Variants in PIK3CA observed in about 807,000 individuals in gnomAD.
PIK3CA encodes the protein phosphatidylinositol 4,5-bisphosphate 3-kinase catalytic subunit alpha isoform.
A neutral mutation model predicts 138.2 loss-of-function variants in PIK3CA; 27 were observed. The observed-to-expected ratio is 0.20, with a 90% CI of 0.14 to 0.27. The LOEUF (loss-of-function observed/expected upper bound fraction) is 0.27, where lower values mean the gene tolerates loss of function less well. Among genes scored for constraint, PIK3CA ranks in the 10% least tolerant of loss-of-function variants. The pLI, the probability that PIK3CA is intolerant of heterozygous loss-of-function variation, is 1.00. For synonymous variants in PIK3CA, 358 were observed against 413.2 expected, an observed-to-expected ratio of 0.87 and a Z score of 1.62; for missense variants, 544 against 1,277.4, an observed-to-expected ratio of 0.43 and a Z score of 8.75.
chr3:179,167,451 CTA>C, intron 1 of PIK3CA, among the ~76,000 whole-genome samples: 1 of 152,176 alleles, frequency 6.6e-6, no homozygotes, highest in Middle Eastern at 3.4e-3. Context: ...TGATTCCTCA[CTA>C]TGTTAGACAG....
intron 1 of PIK3CA, among the ~76,000 whole-genome samples, chr3:179,167,538 A>T (rs1723450391): frequency 6.6e-6 from 1 of 152,138 alleles, no homozygotes; most frequent in Non-Finnish European, 1.5e-5. Context: ...TTACTTTTTA[A>T]ATTGTCAAGT....
At position 179,239,849 on chromosome 3, in the gene PIK3CA, C is replaced by T. The variant is rs1725405113; in HGVS notation, c.*5485C>T. ...ATTAGAAGAAAAACGTTTTTAATGTCCTTTTAATGATGGCCCAGAAAGCAT... is the reference window on the plus strand; with the variant it reads ...ATTAGAAGAAAAACGTTTTTAATGTTCTTTTAATGATGGCCCAGAAAGCAT... On this transcript the variant is annotated 3_prime_UTR_variant, in exon 21 of 21. Coordinates refer to ENST00000263967, the MANE Select transcript of PIK3CA (RefSeq NM_006218.4). 3.9e-6 allele frequency: 2 copies of T among 510,102 alleles called. No homozygotes were observed. Among genetic ancestry groups the T allele is most frequent in the Non-Finnish European group, 7.0e-6 (2 of 285,288 alleles). 31.6% of individuals were successfully genotyped at this position (510,102 alleles called of 1,614,324 possible).
intron 1 of PIK3CA, among the ~76,000 whole-genome samples, chr3:179,178,280 A>C (rs562944876): frequency 6.8e-5 from 10 of 146,962 alleles, no homozygotes; most frequent in Non-Finnish European, 1.0e-4. Context: ...AAAAAAAAAA[A>C]CTCAGAAATT....
intron 9 of PIK3CA, among the ~76,000 whole-genome samples, chr3:179,212,735 C>G (rs376323263): frequency 1.3e-5 from 2 of 152,144 alleles, no homozygotes; most frequent in Admixed American, 1.3e-4. Flanking sequence ...GCCATCATGC[C>G]CGGCCAAAAG....
chr3:179,189,553 A>G (rs982902504), intron 1 of PIK3CA, among the ~76,000 whole-genome samples: 4 of 152,190 alleles, frequency 2.6e-5, no homozygotes, highest in African/African-American at 9.6e-5. Context: ...ACATTGCTAT[A>G]AATACTACTC....
chr3:179,204,455 G>T, intron 5 of PIK3CA, 48 bp from the exon 6 acceptor site: 1 of 849,870 alleles, frequency 1.2e-6, no homozygotes, highest in Middle Eastern at 2.5e-4. Context: ...GTGTGCATAT[G>T]TGTATGTTGA....
chr3:179,238,711 T>C lies in PIK3CA; in HGVS notation c.*4347T>C, dbSNP rs1725380316. ...TCCCGAATTCGGCATTTGAAATTCA[T>C]TTTGTTCTCTCTTCTTCATTATTAG... is the stretch of plus-strand genomic sequence containing the variant. On this transcript the variant is annotated 3_prime_UTR_variant, in exon 21 of 21. Coordinates refer to ENST00000263967, the MANE Select transcript of PIK3CA (RefSeq NM_006218.4). 4.4e-6 allele frequency: 1 copy of C among 227,112 alleles called. No homozygotes were observed. 14.1% of individuals were successfully genotyped at this position (227,112 alleles called of 1,614,324 possible).
At chr3:179,153,251 T>G (rs1723056904) in intron 1 of PIK3CA, among the ~76,000 whole-genome samples, 2 of 152,226 alleles carry the variant, frequency 1.3e-5, no homozygotes, top group Non-Finnish European at 2.9e-5. Flanking sequence ...CTTTCTCTAC[T>G]TGGGAACTGT....
At chr3:179,149,641 T>C (rs996462693) in intron 1 of PIK3CA, 2 of 152,218 alleles carry the variant, frequency 1.3e-5, no homozygotes, top group Non-Finnish European at 2.9e-5. Context: ...TTTGTGCACA[T>C]GCAGGACCTG....
chr3:179,206,188 G>A (rs1048412254), intron 6 of PIK3CA, among the ~76,000 whole-genome samples: 2 of 147,068 alleles, frequency 1.4e-5, no homozygotes, highest in African/African-American at 5.1e-5. Context: ...CTCCCTAGTA[G>A]CTGGGACTAC....
chr3:179,203,161 C>A (rs571567374), intron 4 of PIK3CA, among the ~76,000 whole-genome samples: 1 of 151,784 alleles, frequency 6.6e-6, no homozygotes, highest in Admixed American at 6.6e-5. Context: ...AGGATGGTCT[C>A]GATCTCCTGA....
chr3:179,207,372 TTAGAAG>T (rs1262679699), intron 6 of PIK3CA, among the ~76,000 whole-genome samples: 2 of 152,094 alleles, frequency 1.3e-5, no homozygotes, highest in Admixed American at 1.3e-4. Context: ...TGGATGGACT[TTAGAAG>T]AAAAGAGAAA....
chr3:179,149,641 T>A (rs996462693), intron 1 of PIK3CA: 2 of 152,218 alleles, frequency 1.3e-5, no homozygotes, highest in Admixed American at 6.5e-5. Context: ...TTTGTGCACA[T>A]GCAGGACCTG....
At chr3:179,229,955 C>T (rs1402842323) in intron 18 of PIK3CA, 49 bp from the exon 19 acceptor site, 2 of 1,242,482 alleles carry the variant, frequency 1.6e-6, no homozygotes, top group Non-Finnish European at 2.3e-6. Context: ...TCAAGTTGGC[C>T]TGAATCACTA....
At chr3:179,170,117 G>A (rs899149631) in intron 1 of PIK3CA, among the ~76,000 whole-genome samples, 1 of 151,680 alleles carries the variant, frequency 6.6e-6, no homozygotes, top group African/African-American at 2.4e-5. Flanking sequence ...GTAAAATAGG[G>A]ATAGAAAGCT....
intron 1 of PIK3CA, among the ~76,000 whole-genome samples, chr3:179,162,123 A>G (rs1723299184): frequency 6.6e-6 from 1 of 152,164 alleles, no homozygotes; most frequent in Non-Finnish European, 1.5e-5. Context: ...TCTCTGTATA[A>G]AACATACAGA....
chr3:179,209,752 A>G, intron 7 of PIK3CA, 52 bp downstream of exon 7: 1 of 951,660 alleles, frequency 1.1e-6, no homozygotes, highest in Non-Finnish European at 1.6e-6. Flanking sequence ...ACTCCTGATT[A>G]TACCGCTGAT....
rs2176443 is a variant in PIK3CA at position 179,236,218 on chromosome 3, G to A, written c.*1854G>A. On this transcript the variant is annotated 3_prime_UTR_variant, in exon 21 of 21. Coordinates refer to ENST00000263967, the MANE Select transcript of PIK3CA (RefSeq NM_006218.4). Reference sequence around the variant, plus strand: ...AAAGGGCATAATTATTGGAAATTTAGGTATTTCACTAAAGCATGTATATAA... The same window carrying A: ...AAAGGGCATAATTATTGGAAATTTAAGTATTTCACTAAAGCATGTATATAA... 4.9e-6 allele frequency: 1 copy of A among 204,854 alleles called. No homozygotes were observed. The highest frequency in any genetic ancestry group is 1.0e-5 in the Non-Finnish European group (1 of 100,114). The allele number at this position is 204,854 out of a possible 1,614,324, so 12.7% of individuals were successfully genotyped here. A position where few individuals can be genotyped will look rare whatever the true frequency, so the allele number is the denominator to read the frequency against.
chr3:179,227,920 A>T (rs2108421178), intron 17 of PIK3CA, among the ~76,000 whole-genome samples: 1 of 152,218 alleles, frequency 6.6e-6, no homozygotes, highest in East Asian at 1.9e-4. Flanking sequence ...TTATGGTTGT[A>T]TCAAAGGGAA....
Sources: gnomAD v4.1 joint callset for allele counts (sites outside exome capture counted in the v4.1 genomes callset) on GRCh38, gnomAD v4.1.1 for gene constraint, MANE v1.5 for transcripts, NCBI Gene and HGNC (gene_info 2026-07-23, HGNC 2026-07-21) for gene names.